The following ATP7B variants were observed in gnomAD, a reference collection of about 807,000 sequenced individuals.
ATP7B encodes copper-transporting ATPase 2.
ATP7B carries 113 observed loss-of-function variants against 118.9 expected under a neutral mutation model. The ratio of observed to expected loss-of-function variants is 0.95; its 90% CI spans 0.82 to 1.11. The LOEUF (loss-of-function observed/expected upper bound fraction) is 1.11. ATP7B is among the 50% of genes most tolerant of loss of function. The pLI, the probability that ATP7B is intolerant of heterozygous loss-of-function variation, is 0.00. For synonymous variants in ATP7B, 777 were observed against 727.4 expected (o/e 1.07, Z -1.10); for missense variants, 1,867 against 1,871.4 (o/e 1.00, Z 0.04).
chr13:52,000,404 C>G (rs966160398), intron 1 of ATP7B, among the ~76,000 whole-genome samples: 2 of 152,190 alleles, frequency 1.3e-5, no homozygotes, highest in Admixed American at 6.5e-5. Flanking sequence ...GCAGAGCCCT[C>G]ATGGCCAAAT....
Position 51,932,794 on chromosome 13 carries a change from T to A in ATP7B, c.*1962A>T, listed in dbSNP as rs550814534. The A allele has an allele frequency of 6.6e-6, 1 of 152,246 alleles. No individual in the cohort carries two copies. Among genetic ancestry groups the A allele is most frequent in the Non-Finnish European group, 1.5e-5 (1 of 68,042 alleles). The allele number at this position is 152,246 out of a possible 1,614,324, so 9.4% of individuals were successfully genotyped here. A position where few individuals can be genotyped will look rare whatever the true frequency, so the allele number is the denominator to read the frequency against. ...TAAAAGGTTATTTTCTATAAAATTA[T>A]ATAAATATTTCCATGTCCATATATG... On this transcript the variant is annotated 3_prime_UTR_variant, in exon 21 of 21. Coordinates refer to ENST00000242839, the MANE Select transcript of ATP7B (RefSeq NM_000053.4).
At chr13:51,994,510 C>T (rs770667041) in intron 1 of ATP7B, among the ~76,000 whole-genome samples, 9 of 152,122 alleles carry the variant, frequency 5.9e-5, no homozygotes, top group East Asian at 1.9e-4. Context: ...TAAATACCTC[C>T]GAGCATAGTT....
intron 19 of ATP7B, 35 bp from the exon 20 acceptor site, chr13:51,935,730 C>T: frequency 1.3e-6 from 2 of 1,575,506 alleles, no homozygotes; most frequent in African/African-American, 1.3e-5. Context: ...ACACCTAGGT[C>T]TGGGGAGAGG....
intron 1 of ATP7B, among the ~76,000 whole-genome samples, chr13:51,976,605 T>C (rs1228747467): frequency 6.6e-6 from 1 of 152,218 alleles, no homozygotes; most frequent in Non-Finnish European, 1.5e-5. Context: ...CATCGTTGTG[T>C]GACCATCATA....
At chr13:51,944,978 A>T (rs1243412089) in intron 13 of ATP7B, among the ~76,000 whole-genome samples, 1 of 152,206 alleles carries the variant, frequency 6.6e-6, no homozygotes, top group Non-Finnish European at 1.5e-5. Flanking sequence ...TACCCATTTA[A>T]GGCCAGCAGG....
intron 1 of ATP7B, among the ~76,000 whole-genome samples, chr13:51,989,656 G>A (rs573376281): frequency 6.6e-6 from 1 of 152,118 alleles, no homozygotes; most frequent in East Asian, 1.9e-4. Context: ...TATAAGACAG[G>A]GTATCGTCTC....
chr13:51,963,305 T>C (rs1293567534), intron 5 of ATP7B, among the ~76,000 whole-genome samples: 1 of 152,178 alleles, frequency 6.6e-6, no homozygotes, highest in African/African-American at 2.4e-5. Context: ...CCAGTTCTGC[T>C]GTCCGTGAGC....
intron 1 of ATP7B, among the ~76,000 whole-genome samples, chr13:52,010,140 G>C (rs906026509): frequency 6.6e-6 from 1 of 152,068 alleles, no homozygotes; most frequent in Non-Finnish European, 1.5e-5. Flanking sequence ...CTCTGTACAA[G>C]CCACCCCTCC....
chr13:51,971,015 C>A (rs1951816094), intron 2 of ATP7B, among the ~76,000 whole-genome samples: 1 of 152,166 alleles, frequency 6.6e-6, no homozygotes, highest in South Asian at 2.1e-4. Context: ...ATATTAAATC[C>A]TTCCACTGAG....
intron 1 of ATP7B, among the ~76,000 whole-genome samples, chr13:51,988,155 T>C (rs1952747945): frequency 6.6e-6 from 1 of 151,510 alleles, no homozygotes; most frequent in Non-Finnish European, 1.5e-5. Flanking sequence ...TTGCAATCTA[T>C]CCATCTGACA....
At chr13:51,993,401 C>T (rs1432029771) in intron 1 of ATP7B, among the ~76,000 whole-genome samples, 1 of 151,956 alleles carries the variant, frequency 6.6e-6, no homozygotes, top group African/African-American at 2.4e-5. Flanking sequence ...GACCACATCT[C>T]TACAAATAAA....
rs573957788 is a variant in ATP7B at position 51,971,121 on chromosome 13, C to T, written c.1286-372G>A. Among the ~76,000 whole-genome samples the T allele has an allele frequency of 3.3e-5, 5 of 152,300 alleles. No individual in the cohort carries two copies. The South Asian group carries it at 8.3e-4, about 25-fold the overall frequency. On this transcript the variant is annotated intron_variant, in intron 2 of 20. Transcript: ENST00000242839. ...CCAAGGAGAAACAAATCACGCTGGC[C>T]GCAAGGCTGTCCTCAAGGAGCTCCT...
Position 51,942,411 on chromosome 13 carries a change from C to A in ATP7B, c.3387G>T (p.Glu1129Asp). The A allele has an allele frequency of 6.2e-7, 1 of 1,614,202 alleles. No homozygotes were observed. Among genetic ancestry groups the A allele is most frequent in the Non-Finnish European group, 8.5e-7 (1 of 1,180,046 alleles). ...CTTTTTCTGCGGGAAGGCTGCCAGC[C>A]TCATTCAGGTGACTGGCCGGTGCAC... ...PLSAPASHLN[E>D]AGSLPAEKDA... The change falls in exon 15 of 21, where the codon GAG becomes GAT. Residue 1129 changes from glutamate to aspartate, a missense_variant. Transcript: ENST00000242839.
At chr13:51,944,420 G>T in intron 13 of ATP7B, 129 bp from the exon 14 acceptor site, 1 of 1,141,278 alleles carries the variant, frequency 8.8e-7, no homozygotes, top group Non-Finnish European at 1.3e-6. Flanking sequence ...GCTTCCTAAC[G>T]TGATCCTCTG....
At chr13:51,940,232 C>T (rs1957249894) in intron 16 of ATP7B, among the ~76,000 whole-genome samples, 1 of 147,834 alleles carries the variant, frequency 6.8e-6, no homozygotes, top group African/African-American at 2.5e-5. Flanking sequence ...AGACTGGTCT[C>T]GAACTCCCGA....
chr13:51,971,080 C>T (rs1003610599), intron 2 of ATP7B, among the ~76,000 whole-genome samples: 5 of 152,186 alleles, frequency 3.3e-5, no homozygotes, highest in Admixed American at 2.0e-4. Context: ...TTACTGCATG[C>T]GGGGTGCTAT....
intron 5 of ATP7B, 72 bp from the exon 6 acceptor site, chr13:51,961,985 C>G (rs1238611770): frequency 7.7e-7 from 1 of 1,296,568 alleles, no homozygotes; most frequent in East Asian, 2.3e-5. Context: ...TGGCAGAAAG[C>G]ACTTTTCAGC....
chr13:51,986,735 T>C (rs76783544), intron 1 of ATP7B, among the ~76,000 whole-genome samples: 5 of 152,156 alleles, frequency 3.3e-5, no homozygotes, highest in African/African-American at 1.2e-4. Flanking sequence ...GTCGGCTTCA[T>C]CCCTAGGATG....
chr13:51,936,197 G>A (rs547630441), intron 19 of ATP7B, among the ~76,000 whole-genome samples: 1 of 152,330 alleles, frequency 6.6e-6, no homozygotes, highest in South Asian at 2.1e-4. Context: ...GACAGGTATG[G>A]TCAACTTTGT....
Sources: gnomAD v4.1 joint callset for allele counts (sites outside exome capture counted in the v4.1 genomes callset) on GRCh38, gnomAD v4.1.1 for gene constraint, MANE v1.5 for transcripts, NCBI Gene and HGNC (gene_info 2026-07-23, HGNC 2026-07-21) for gene names.